The following SNTB1 variants were observed in gnomAD, a reference collection of about 807,000 sequenced individuals.
The protein encoded by SNTB1 is beta-1-syntrophin.
A neutral mutation model predicts 48.9 loss-of-function variants in SNTB1; 36 were observed. That is an observed-to-expected ratio of 0.74 (90% CI 0.56 to 0.97). SNTB1 has a LOEUF of 0.97. Ranked by LOEUF, SNTB1 falls within the 50% of genes least tolerant of loss-of-function variation. The pLI is 0.00. For synonymous variants in SNTB1, 299 were observed against 294.6 expected (o/e 1.01, Z -0.15); for missense variants, 786 against 703.4 (o/e 1.12, Z -1.33).
intron 3 of SNTB1, among the ~76,000 whole-genome samples, chr8:120,593,444 T>C (rs897391235): frequency 2.6e-5 from 4 of 152,198 alleles, no homozygotes; most frequent in African/African-American, 9.6e-5. Flanking sequence ...GTATATCCTG[T>C]GTCACTCCAT....
intron 4 of SNTB1, among the ~76,000 whole-genome samples, chr8:120,564,564 G>GTTTTTTTTTTTTTTTTTTTTTTTTTTT (rs71306893): frequency 1.2e-5 from 1 of 84,214 alleles, no homozygotes; most frequent in Admixed American, 1.9e-4. Context: ...TATTATTCTG[G>GTTTTTTTTTTTTTTTTTTTTTTTTTTT]TTTTTTTTTT....
At chr8:120,797,546 CTTTTTTTTTTTTTTTTT>C (rs60374035) in intron 1 of SNTB1, among the ~76,000 whole-genome samples, 2 of 69,088 alleles carry the variant, frequency 2.9e-5, no homozygotes, top group South Asian at 1.4e-3. Context: ...ACTTGTTTCT[CTTTTTTTTTTTTTTTTT>C]TTTTTTTTTT....
chr8:120,786,574 C>T (rs1819926768), intron 1 of SNTB1, among the ~76,000 whole-genome samples: 1 of 152,192 alleles, frequency 6.6e-6, no homozygotes, highest in Non-Finnish European at 1.5e-5. Context: ...GAGTACCCTC[C>T]AGGTTCAGGC....
rs1054360843 is a variant in SNTB1 at position 120,548,933 on chromosome 8, C to A, written c.1162G>T (p.Gly388Ter). 6.3e-7 allele frequency: 1 copy of A among 1,595,274 alleles called. No homozygotes were observed. Among genetic ancestry groups the A allele is most frequent in the African/African-American group, 1.3e-5 (1 of 74,566 alleles). ...AGATCCACACCAGCCTGGGGTGATC[C>A]CTTTCCTGGACCTGAATGGACCAGC... ...TRLVHSGPGK[G>*]SPQAGVDLSF... The change falls in exon 5 of 7, where the codon GGA becomes TGA. Residue 388 changes from glycine to a stop codon, truncating the protein, a stop_gained. Coordinates refer to ENST00000517992, the MANE Select transcript of SNTB1 (RefSeq NM_021021.4). LOFTEE classifies it high-confidence loss of function.
chr8:120,637,952 T>C (rs1270528444), intron 2 of SNTB1: 2 of 212,632 alleles, frequency 9.4e-6, no homozygotes, highest in Non-Finnish European at 2.1e-5. Flanking sequence ...TTAACTTTTA[T>C]TTCAGCCATC....
chr8:120,811,618 G>A lies in SNTB1; in HGVS notation c.226C>T (p.His76Tyr). The change falls in exon 1 of 7, where the codon CAC (histidine) becomes TAC (tyrosine). Residue 76 changes from histidine to tyrosine, a missense_variant. Transcript: ENST00000517992. ...GGCTGCGCGCCGCCCGCGCCCGGGT[G>A]CCCAGCCCCGGCGCCCCTGCAGAAC... is the stretch of plus-strand genomic sequence containing the variant. ...GSFCRGAGAG[H>Y]PGAGGAQPPD... is the part of the protein sequence containing the mutation. 6.3e-7 allele frequency: 1 copy of A among 1,588,674 alleles called. No individual in the cohort carries two copies. The highest frequency in any genetic ancestry group is 8.5e-7 in the Non-Finnish European group (1 of 1,171,406).
Position 120,811,814 on chromosome 8 carries a change from A to AGCCGCCGCC in SNTB1, c.21_29dup (p.Ala8_Ala10dup), listed in dbSNP as rs547154887. ...GGCCGCCTCCCGCGCCAGCCGGCCCAGCCGCCGCCGCCGCCGCCGCTACCG... is the reference window on the plus strand; with the variant it reads ...GGCCGCCTCCCGCGCCAGCCGGCCCAGCCGCCGCCGCCGCCGCCGCCGCCGCCGCTACCG... On this transcript the variant is annotated inframe_insertion, in exon 1 of 7. Coordinates refer to ENST00000517992, the MANE Select transcript of SNTB1 (RefSeq NM_021021.4). 8 of 1,353,962 alleles carry AGCCGCCGCC rather than the reference A, an allele frequency of 5.9e-6. No individual in the cohort carries two copies. Among genetic ancestry groups the AGCCGCCGCC allele is most frequent in the South Asian group, 2.0e-5 (1 of 49,054 alleles). The allele number at this position is 1,353,962 out of a possible 1,614,324, so 83.9% of individuals were successfully genotyped here. A position where few individuals can be genotyped will look rare whatever the true frequency, so the allele number is the denominator to read the frequency against.
rs557456615 is a variant in SNTB1 at position 120,732,170 on chromosome 8, G to A, written c.572-38262C>T. On this transcript the variant is annotated intron_variant, in intron 1 of 6. Transcript: ENST00000517992. ...TTTCTTCAAAGTGCTGATATGACTTGCGGGTAAATCGGCTACTTTTTCAAG... is the reference window on the plus strand; with the variant it reads ...TTTCTTCAAAGTGCTGATATGACTTACGGGTAAATCGGCTACTTTTTCAAG... 4.6e-5 allele frequency among the ~76,000 whole-genome samples: 7 copies of A among 152,292 alleles called. No individual in the cohort carries two copies. In the East Asian group the frequency reaches 1.4e-3, roughly 29 times the overall value.
intron 1 of SNTB1, among the ~76,000 whole-genome samples, chr8:120,795,898 A>G (rs1433810955): frequency 6.6e-6 from 1 of 151,722 alleles, no homozygotes; most frequent in East Asian, 1.9e-4. Context: ...AATGTTTCCA[A>G]ATTTCCCCCT....
At chr8:120,623,106 T>C (rs1056228457) in intron 3 of SNTB1, among the ~76,000 whole-genome samples, 1 of 152,218 alleles carries the variant, frequency 6.6e-6, no homozygotes, top group African/African-American at 2.4e-5. Context: ...TTTACCTTCC[T>C]CTGCAGCCTA....
intron 1 of SNTB1, among the ~76,000 whole-genome samples, chr8:120,730,985 G>T (rs1435889674): frequency 6.6e-6 from 1 of 152,068 alleles, no homozygotes; most frequent in Non-Finnish European, 1.5e-5. Context: ...GCCGGGTGTG[G>T]TGGCAAGCAC....
chr8:120,780,049 G>A lies in SNTB1; in HGVS notation c.571+31224C>T, dbSNP rs1427060649. On this transcript the variant is annotated intron_variant, in intron 1 of 6. Coordinates refer to ENST00000517992, the MANE Select transcript of SNTB1 (RefSeq NM_021021.4). ...AACAGTGGATGACACCTGATTAAAA[G>A]CCTATTGATGACATATAAGGAATGA... Among the ~76,000 whole-genome samples, 3 of 148,224 alleles carry A rather than the reference G, an allele frequency of 2.0e-5. No homozygotes were observed. The East Asian group carries it at 6.0e-4, about 30-fold the overall frequency.
chr8:120,704,759 T>G (rs926732947), intron 1 of SNTB1, among the ~76,000 whole-genome samples: 3 of 152,186 alleles, frequency 2.0e-5, no homozygotes, highest in African/African-American at 7.2e-5. Context: ...CTAATGCTTA[T>G]GATGACAAAA....
At chr8:120,731,165 C>T (rs556944452) in intron 1 of SNTB1, among the ~76,000 whole-genome samples, 2 of 151,814 alleles carry the variant, frequency 1.3e-5, no homozygotes, top group Non-Finnish European at 2.9e-5. Context: ...TAAATAATAG[C>T]TAAGAAGAAA....
At chr8:120,683,285 C>G (rs1375455613) in intron 2 of SNTB1, among the ~76,000 whole-genome samples, 1 of 152,128 alleles carries the variant, frequency 6.6e-6, no homozygotes, top group East Asian at 1.9e-4. Flanking sequence ...CAGCCGATTA[C>G]AAGCAATTCC....
At chr8:120,588,955 C>T (rs372464546) in intron 3 of SNTB1, among the ~76,000 whole-genome samples, 17 of 152,244 alleles carry the variant, frequency 1.1e-4, no homozygotes, top group South Asian at 1.0e-3. Context: ...TCATAAGCAT[C>T]GATTACCATC....
At chr8:120,759,799 C>G (rs1011999187) in intron 1 of SNTB1, among the ~76,000 whole-genome samples, 9 of 152,196 alleles carry the variant, frequency 5.9e-5, no homozygotes, top group Non-Finnish European at 8.8e-5. Flanking sequence ...CCCCACAAGC[C>G]TAGAGTCTCC....
intron 5 of SNTB1, among the ~76,000 whole-genome samples, chr8:120,543,837 A>G (rs1398888648): frequency 6.6e-6 from 1 of 152,178 alleles, no homozygotes; most frequent in Non-Finnish European, 1.5e-5. Context: ...TAACAGGTCT[A>G]TAACTCCTTC....
At position 120,752,957 on chromosome 8, in the gene SNTB1, C is replaced by T. The variant is rs928119638; in HGVS notation, c.571+58316G>A. ...TACCCATGTAACAAACCTGGATATG[C>T]ACTCCCTGAGCCTAAAACAAAAGCT... is the stretch of plus-strand genomic sequence containing the variant. On this transcript the variant is annotated intron_variant, in intron 1 of 6. Transcript: ENST00000517992. 4.9e-5 allele frequency among the ~76,000 whole-genome samples: 7 copies of T among 142,194 alleles called. No homozygotes were observed. In the South Asian group the frequency reaches 1.6e-3, roughly 32 times the overall value. The allele number at this position is 142,194 out of a possible 152,430, so 93.3% of individuals were successfully genotyped here. A position where few individuals can be genotyped will look rare whatever the true frequency, so the allele number is the denominator to read the frequency against.
Sources: gnomAD v4.1 joint callset for allele counts (sites outside exome capture counted in the v4.1 genomes callset) on GRCh38, gnomAD v4.1.1 for gene constraint, MANE v1.5 for transcripts, NCBI Gene and HGNC (gene_info 2026-07-23, HGNC 2026-07-21) for gene names.